WASHC4: variants seen among roughly 807,000 people sequenced by gnomAD.
WASHC4 encodes the protein WASH complex subunit 7.
In WASHC4, 86 loss-of-function variants were observed where a neutral mutation model predicts 166.6. That is an observed-to-expected ratio of 0.52 (90% CI 0.43 to 0.62). The LOEUF (loss-of-function observed/expected upper bound fraction) is 0.62. WASHC4 is among the 20% of genes least tolerant of loss of function. WASHC4 has a pLI of 0.00. For synonymous variants in WASHC4, 446 were observed against 451.6 expected (o/e 0.99, Z 0.16); for missense variants, 1,262 against 1,382.4 (o/e 0.91, Z 1.38).
rs771974727 is a variant in WASHC4, at chr12:105,137,900, A to G, written c.1341A>G (p.Ala447=). 29 of 1,607,414 alleles carry G rather than the reference A, an allele frequency of 1.8e-5. No individual in the cohort carries two copies. Among genetic ancestry groups the G allele is most frequent in the East Asian group, 2.2e-5 (1 of 44,720 alleles). ...TTCCTTTACAGGGCTTCTTGTATGC[A>G]TATAGTATTAGTACCATTATTAAAA... ...CNVFIQGFLY[A]YSISTIIKTT... The change falls in exon 15 of 33, where the codon GCA becomes GCG. Residue 447 remains alanine, a synonymous_variant. Transcript: ENST00000332180.
chr12:105,126,424 A>T lies in WASHC4; in HGVS notation c.1038+62A>T, dbSNP rs1881287769. The T allele has an allele frequency of 2.5e-5, 31 of 1,235,696 alleles. No homozygotes were observed. In the South Asian group the frequency reaches 3.7e-4, roughly 15 times the overall value. 76.5% of individuals were successfully genotyped at this position (1,235,696 alleles called of 1,614,324 possible). A position where few individuals can be genotyped will look rare whatever the true frequency, so the allele number is the denominator to read the frequency against. The stretch of plus-strand genomic sequence containing the variant: ...TTAAAAAGATTGCAGATAAAACTAA[A>T]TATTTTAAAATGCATTTTATTCCTG... On this transcript the variant is annotated intron_variant, in intron 12 of 32. Coordinates refer to ENST00000332180, the MANE Select transcript of WASHC4 (RefSeq NM_015275.3).
intron 13 of WASHC4, among the ~76,000 whole-genome samples, chr12:105,127,895 T>C (rs1228529240): frequency 6.6e-6 from 1 of 152,164 alleles, no homozygotes; most frequent in Non-Finnish European, 1.5e-5. Flanking sequence ...AATTTTCAAA[T>C]ATACGTAAAG....
chr12:105,152,484 T>A (rs1883845888), intron 26 of WASHC4, 33 bp downstream of exon 26: 1 of 1,053,492 alleles, frequency 9.5e-7, no homozygotes, highest in Admixed American at 1.7e-5. Flanking sequence ...GGAAATCAGG[T>A]ACAGATCCCT....
intron 27 of WASHC4, among the ~76,000 whole-genome samples, 195 bp downstream of exon 27, chr12:105,156,987 CTCT>C (rs1263205042): frequency 4.6e-5 from 7 of 152,208 alleles, no homozygotes; most frequent in Middle Eastern, 3.4e-3. Context: ...GAAAATATTT[CTCT>C]TAAGTTAATT....
rs1882831361 is a variant in WASHC4, at chr12:105,141,332, A to G, written c.1787+86A>G. 4.1e-6 allele frequency: 4 copies of G among 985,708 alleles called. No homozygotes were observed. In the Admixed American group the frequency reaches 6.8e-5, roughly 17 times the overall value. 61.1% of individuals were successfully genotyped at this position (985,708 alleles called of 1,614,324 possible). A position where few individuals can be genotyped will look rare whatever the true frequency, so the allele number is the denominator to read the frequency against. On this transcript the variant is annotated intron_variant, in intron 18 of 32. Coordinates refer to ENST00000332180, the MANE Select transcript of WASHC4 (RefSeq NM_015275.3). ...TTCTTTTTAGCATAGCAAGAGAAGA[A>G]ATAAAATTCAGATCGAGCATTAGTT...
rs1487003076 is a variant in WASHC4, at chr12:105,164,286, G to A, written c.3333G>A (p.Lys1111=). Residue 1111 remains lysine (K), a synonymous_variant, in exon 31 of 33, where the codon AAG becomes AAA. Transcript: ENST00000332180. ...KLLQTMNLTQ[K]RLDVYLQEFE... Reference sequence around the variant, plus strand: ...TACAAACCATGAATCTCACTCAGAAGCGACTGGATGTCTATCTACAGGTAG... The same window carrying A: ...TACAAACCATGAATCTCACTCAGAAACGACTGGATGTCTATCTACAGGTAG... The A allele has an allele frequency of 2.5e-6, 4 of 1,613,770 alleles. No individual in the cohort carries two copies. Among genetic ancestry groups the A allele is most frequent in the Middle Eastern group, 3.3e-4 (2 of 6,076 alleles).
intron 18 of WASHC4, 133 bp from the exon 19 acceptor site, chr12:105,142,320 T>C (rs1882939303): frequency 4.4e-6 from 3 of 683,042 alleles, no homozygotes; most frequent in Admixed American, 2.1e-5. Flanking sequence ...TTCTATACTA[T>C]GTTGGGTTAA....
rs1239798430 is a variant in WASHC4, at chr12:105,147,157, T to C, written c.2514+11T>C. 6.6e-7 allele frequency: 1 copy of C among 1,519,292 alleles called. No individual in the cohort carries two copies. The highest frequency in any genetic ancestry group is 9.1e-7 in the Non-Finnish European group (1 of 1,093,472). 94.1% of individuals were successfully genotyped at this position (1,519,292 alleles called of 1,614,324 possible). On this transcript the variant is annotated intron_variant, in intron 24 of 32. Coordinates refer to ENST00000332180, the MANE Select transcript of WASHC4 (RefSeq NM_015275.3). ...ATTATGAATACAACTGTAAGAACTT[T>C]TCTTTGGGGGTTGAGTGGGTAATAG... is the stretch of plus-strand genomic sequence containing the variant.
At position 105,144,401 on chromosome 12, in the gene WASHC4, C is replaced by T; in HGVS notation, c.2125C>T (p.Leu709Phe). The T allele has an allele frequency of 6.2e-7, 1 of 1,613,260 alleles. No individual in the cohort carries two copies. Among genetic ancestry groups the T allele is most frequent in the Non-Finnish European group, 8.5e-7 (1 of 1,179,562 alleles). ...CAAAGTTGGCATGAAAGACCTGGCT[C>T]TTTTTTTCTCTCTGAATCCAATTCG... ...PFKVGMKDLA[L>F]FFSLNPIRFF... The change falls in exon 21 of 33, where the codon CTT (leucine) becomes TTT (phenylalanine). Residue 709 changes from leucine (L) to phenylalanine (F), a missense_variant. Leu to Phe is a conservative substitution (Grantham distance 22). Coordinates refer to ENST00000332180, the MANE Select transcript of WASHC4 (RefSeq NM_015275.3).
Position 105,140,890 on chromosome 12 carries a change from A to C in WASHC4, c.1561-9A>C, listed in dbSNP as rs752711843. 3 of 1,612,954 alleles carry C rather than the reference A, an allele frequency of 1.9e-6. No individual in the cohort carries two copies. Among genetic ancestry groups the C allele is most frequent in the Non-Finnish European group, 2.5e-6 (3 of 1,179,608 alleles). Reference sequence around the variant, plus strand: ...CAGAAACAAATAGTTTTCCTGTTTTATTTTTAAGAAAAGAGTGATTTCTGA... The same window carrying C: ...CAGAAACAAATAGTTTTCCTGTTTTCTTTTTAAGAAAAGAGTGATTTCTGA... On this transcript the variant is annotated splice_polypyrimidine_tract_variant and intron_variant, in intron 16 of 32. Transcript: ENST00000332180.
At chr12:105,128,469 A>G (rs1436443027) in intron 13 of WASHC4, among the ~76,000 whole-genome samples, 2 of 152,204 alleles carry the variant, frequency 1.3e-5, no homozygotes, top group Non-Finnish European at 2.9e-5. Context: ...CAAAATGCCA[A>G]TACATACTTA....
intron 13 of WASHC4, 147 bp downstream of exon 13, chr12:105,127,436 T>A (rs942932671): frequency 1.5e-6 from 1 of 673,726 alleles, no homozygotes; most frequent in Non-Finnish European, 2.5e-6. Context: ...GGAGATTTGT[T>A]TTCTAGAAGT....
In WASHC4 at chr12:105,166,895, T is replaced by C. The variant is rs184382870; in HGVS notation, c.3486T>C (p.Ser1162=). 6.2e-7 allele frequency: 1 copy of C among 1,607,350 alleles called. No homozygotes were observed. The highest frequency in any genetic ancestry group is 1.7e-5 in the Admixed American group (1 of 60,004). ...EETKTSNGDL[S]DSTVSADPVV... ...CTAAAACAAGCAATGGAGACCTGTC[T>C]GACAGCACTGTGTCTGCTGATCCTG... Residue 1162 remains serine, a synonymous_variant, in exon 33 of 33, where the codon TCT becomes TCC. Coordinates refer to ENST00000332180, the MANE Select transcript of WASHC4 (RefSeq NM_015275.3).
intron 14 of WASHC4, among the ~76,000 whole-genome samples, chr12:105,136,210 G>C (rs752432175): frequency 1.3e-5 from 2 of 152,136 alleles, no homozygotes; most frequent in African/African-American, 2.4e-5. Flanking sequence ...GCTCCGATGA[G>C]CCCCAAGCTC....
intron 26 of WASHC4, 67 bp from the exon 27 acceptor site, chr12:105,156,659 A>T: frequency 6.9e-6 from 9 of 1,301,680 alleles, no homozygotes; most frequent in African/African-American, 1.5e-5. Flanking sequence ...TACTGTATGT[A>T]ACTATATTCC....
intron 10 of WASHC4, among the ~76,000 whole-genome samples, chr12:105,122,731 G>A (rs1880883393): frequency 6.6e-6 from 1 of 152,014 alleles, no homozygotes; most frequent in Non-Finnish European, 1.5e-5. Context: ...GTGATCAGTG[G>A]TTTCTGATGT....
At chr12:105,115,947 ATTTC>A (rs2135727407) in intron 6 of WASHC4, among the ~76,000 whole-genome samples, 1 of 152,228 alleles carries the variant, frequency 6.6e-6, no homozygotes, top group African/African-American at 2.4e-5. Flanking sequence ...CTTTGTGTAT[ATTTC>A]TTTATGGACA....
chr12:105,136,208 G>T (rs1882302646), intron 14 of WASHC4, among the ~76,000 whole-genome samples: 1 of 152,122 alleles, frequency 6.6e-6, no homozygotes, highest in Non-Finnish European at 1.5e-5. Flanking sequence ...CAGCTCCGAT[G>T]AGCCCCAAGC....
At chr12:105,148,525 G>A (rs1052339897) in intron 24 of WASHC4, 1 of 985,114 alleles carries the variant, frequency 1.0e-6, no homozygotes, top group African/African-American at 1.7e-5. Context: ...GAGCATAGAA[G>A]GATAGAAATC....
Sources: allele counts gnomAD v4.1 joint callset (sites outside exome capture counted in the v4.1 genomes callset), GRCh38; gene constraint gnomAD v4.1.1; transcripts MANE v1.5; gene names NCBI Gene and HGNC (gene_info 2026-07-23, HGNC 2026-07-21).